Variants in ZBTB10 observed in about 807,000 individuals in gnomAD.
ZBTB10 encodes zinc finger and BTB domain-containing protein 10.
In ZBTB10, 32 loss-of-function variants were observed where a neutral mutation model predicts 76.4. The observed-to-expected ratio is 0.42, with a 90% CI of 0.32 to 0.56. ZBTB10 has a LOEUF of 0.56. Among genes scored for constraint, ZBTB10 ranks in the 20% least tolerant of loss-of-function variants. The pLI, the probability that ZBTB10 is intolerant of heterozygous loss-of-function variation, is 0.14. For missense variants in ZBTB10, 1,057 were observed against 1,098.5 expected (o/e 0.96, Z 0.53); for synonymous variants, 523 against 432.9 (o/e 1.21, Z -2.58).
At chr8:80,493,994 T>C (rs1049767530) in intron 1 of ZBTB10, among the ~76,000 whole-genome samples, 1 of 152,240 alleles carries the variant, frequency 6.6e-6, no homozygotes, top group African/African-American at 2.4e-5. Context: ...TCTTTTTCTC[T>C]ACCAACTGTT....
intron 1 of ZBTB10, among the ~76,000 whole-genome samples, chr8:80,493,910 C>G (rs1815715522): frequency 6.6e-6 from 1 of 152,242 alleles, no homozygotes; most frequent in Non-Finnish European, 1.5e-5. Flanking sequence ...GGGGATAGTA[C>G]TTAAGCTACC....
intron 4 of ZBTB10, 83 bp downstream of exon 4, chr8:80,518,662 A>G (rs1816388824): frequency 6.7e-7 from 1 of 1,484,474 alleles, no homozygotes; most frequent in African/African-American, 1.4e-5. Flanking sequence ...GCATTTTTTA[A>G]AAACCAAGTA....
In ZBTB10 at chr8:80,487,506, G is replaced by C; in HGVS notation, c.696G>C (p.Gln232His). The C allele has an allele frequency of 6.4e-7, 1 of 1,558,508 alleles. No homozygotes were observed. Residue 232 changes from glutamine to histidine, a missense_variant, in exon 1 of 6, where the codon CAG (glutamine) becomes CAC (histidine). Gln to His is a conservative substitution (Grantham distance 24). Around this residue, in one of 5 missense-constraint regions of ZBTB10, gnomAD observed 556 missense variants for 451.7 expected, o/e 1.23. Transcript: ENST00000455036. ...GAGCTGGCGAAGGAGAGACTGTCCAGCACTTCCCGCTCGCGCGGCCCAAGT... is the reference window on the plus strand; with the variant it reads ...GAGCTGGCGAAGGAGAGACTGTCCACCACTTCCCGCTCGCGCGGCCCAAGT... ...GVGAGEGETV[Q>H]HFPLARPKSL...
chr8:80,492,417 A>G (rs1815654186), intron 1 of ZBTB10, among the ~76,000 whole-genome samples: 1 of 152,158 alleles, frequency 6.6e-6, no homozygotes. Context: ...TAGTAAGGAG[A>G]GACAGACATG....
At chr8:80,493,075 G>A (rs963399104) in intron 1 of ZBTB10, among the ~76,000 whole-genome samples, 3 of 151,714 alleles carry the variant, frequency 2.0e-5, no homozygotes, top group Non-Finnish European at 2.9e-5. Context: ...TAAGCCAGGC[G>A]TGGTGGCAGG....
At chr8:80,508,142 G>A (rs1397543224) in intron 2 of ZBTB10, among the ~76,000 whole-genome samples, 5 of 152,134 alleles carry the variant, frequency 3.3e-5, no homozygotes, top group Non-Finnish European at 5.9e-5. Flanking sequence ...TCTTTAAGTG[G>A]TCAGAATAAA....
In ZBTB10 at chr8:80,487,265, A is replaced by G. The variant is rs1395341774; in HGVS notation, c.455A>G (p.His152Arg). 2 of 1,552,360 alleles carry G rather than the reference A, an allele frequency of 1.3e-6. No individual in the cohort carries two copies. Among genetic ancestry groups the G allele is most frequent in the South Asian group, 1.2e-5 (1 of 84,382 alleles). ...RPETSVWPLRHFNGRGPATVD... is the reference protein window; with the variant it reads ...RPETSVWPLRRFNGRGPATVD... ...GAGACCTCGGTGTGGCCCTTGAGGCATTTCAATGGGCGAGGGCCGGCGACT... is the reference window on the plus strand; with the variant it reads ...GAGACCTCGGTGTGGCCCTTGAGGCGTTTCAATGGGCGAGGGCCGGCGACT... Residue 152 changes from histidine (H) to arginine (R), a missense_variant, in exon 1 of 6, where the codon CAT (histidine) becomes CGT (arginine). By Grantham distance (29) the His-to-Arg change is conservative. This residue lies in a region of ZBTB10 where 556 missense variants were observed against 451.7 expected (regional missense o/e 1.23). Coordinates refer to ENST00000455036, the MANE Select transcript of ZBTB10 (RefSeq NM_001105539.3).
chr8:80,488,288 C>G (rs573336158), intron 1 of ZBTB10, among the ~76,000 whole-genome samples: 2 of 152,116 alleles, frequency 1.3e-5, no homozygotes, highest in East Asian at 3.9e-4. Flanking sequence ...TATATGAAAT[C>G]AAAATAATGT....
chr8:80,502,295 G>T (rs1309416412), intron 2 of ZBTB10, among the ~76,000 whole-genome samples: 1 of 152,162 alleles, frequency 6.6e-6, no homozygotes, highest in Non-Finnish European at 1.5e-5. Context: ...GAGTGCAGTG[G>T]CACAGTCTTG....
intron 3 of ZBTB10, among the ~76,000 whole-genome samples, chr8:80,515,830 C>A (rs1816312907): frequency 6.6e-6 from 1 of 152,112 alleles, no homozygotes; most frequent in South Asian, 2.1e-4. Context: ...GATCAGTAAG[C>A]ACCATTTTGA....
At chr8:80,511,085 A>G (rs150218853) in intron 2 of ZBTB10, among the ~76,000 whole-genome samples, 112 of 152,288 alleles carry the variant, frequency 7.4e-4, no homozygotes, top group Admixed American at 1.4e-3. Context: ...ACTATTGTCA[A>G]AAGATTGTCA....
At chr8:80,493,967 CAA>C (rs1815716674) in intron 1 of ZBTB10, among the ~76,000 whole-genome samples, 1 of 152,286 alleles carries the variant, frequency 6.6e-6, no homozygotes, top group East Asian at 1.9e-4. Flanking sequence ...CAGAAAACTG[CAA>C]AAGAGACCTT....
At position 80,513,919 on chromosome 8, in the gene ZBTB10, G is replaced by A. The variant is rs376609337; in HGVS notation, c.1871G>A (p.Gly624Asp). The A allele has an allele frequency of 5.6e-6, 9 of 1,613,152 alleles. No homozygotes were observed. Among genetic ancestry groups the A allele is most frequent in the African/African-American group, 2.7e-5 (2 of 74,886 alleles). The change falls in exon 3 of 6, where the codon GGT becomes GAT. Residue 624 changes from glycine (G) to aspartate (D), a missense_variant. Coordinates refer to ENST00000455036, the MANE Select transcript of ZBTB10 (RefSeq NM_001105539.3). ...TATGTTTCCTTTTCAGATTTAGATG[G>A]TGCTCTACTCTCGGGGCCAGATGGT... Reference protein sequence around the residue: ...LLIKEEPDLDGALLSGPDGDR... With the variant: ...LLIKEEPDLDDALLSGPDGDR...
At chr8:80,488,679 C>T (rs1250847043) in intron 1 of ZBTB10, among the ~76,000 whole-genome samples, 1 of 152,198 alleles carries the variant, frequency 6.6e-6, no homozygotes, top group East Asian at 1.9e-4. Context: ...CATTTCCAGT[C>T]TAAAGATAGT....
intron 2 of ZBTB10, among the ~76,000 whole-genome samples, chr8:80,509,906 C>A (rs1288704565): frequency 6.6e-6 from 1 of 152,130 alleles, no homozygotes; most frequent in Admixed American, 6.5e-5. Flanking sequence ...CCTTGGCTTC[C>A]TCCCAAAGTG....
rs1314297741 is a variant in ZBTB10, at chr8:80,510,125, A to G, written c.1862-3785A>G. Reference sequence around the variant, plus strand: ...GTATCCTTAAGATTTTGGAGAATATATTGTTAAATAAAGGGAAGGTAATAA... The same window carrying G: ...GTATCCTTAAGATTTTGGAGAATATGTTGTTAAATAAAGGGAAGGTAATAA... On this transcript the variant is annotated intron_variant, in intron 2 of 5. Coordinates refer to ENST00000455036, the MANE Select transcript of ZBTB10 (RefSeq NM_001105539.3). 3.9e-5 allele frequency among the ~76,000 whole-genome samples: 6 copies of G among 152,232 alleles called. No homozygotes were observed. In the South Asian group the frequency reaches 8.3e-4, roughly 21 times the overall value.
intron 1 of ZBTB10, among the ~76,000 whole-genome samples, chr8:80,499,123 C>T (rs1156265489): frequency 6.6e-6 from 1 of 152,086 alleles, no homozygotes; most frequent in East Asian, 1.9e-4. Context: ...TGTTGCTTTT[C>T]TATAGAGATA....
At chr8:80,507,613 C>CA (rs796205066) in intron 2 of ZBTB10, among the ~76,000 whole-genome samples, 2,664 of 148,432 alleles carry the variant, frequency 0.018, 81 homozygotes, top group African/African-American at 0.062. Flanking sequence ...GACTCCATCT[C>CA]AAAAAAAAAA....
intron 4 of ZBTB10, 74 bp downstream of exon 4, chr8:80,518,653 C>T (rs975806154): frequency 1.4e-6 from 2 of 1,479,098 alleles, no homozygotes; most frequent in Non-Finnish European, 9.0e-7. Context: ...TCATGTTCTG[C>T]ATTTTTTAAA....
Sources: gnomAD v4.1 joint callset for allele counts (sites outside exome capture counted in the v4.1 genomes callset) on GRCh38, gnomAD v4.1.1 for gene constraint, gnomAD v4.1.1 regional missense constraint, MANE v1.5 for transcripts, NCBI Gene and HGNC (gene_info 2026-07-23, HGNC 2026-07-21) for gene names.